The following NELL1 variants were observed in gnomAD, a reference collection of about 807,000 sequenced individuals.
The protein encoded by NELL1 is protein kinase C-binding protein NELL1.
A neutral mutation model predicts 107.4 loss-of-function variants in NELL1; 76 were observed. The observed-to-expected ratio is 0.71, with a 90% confidence interval of 0.59 to 0.86. NELL1 has a LOEUF of 0.86. NELL1 is among the 40% of genes least tolerant of loss of function. NELL1 has a pLI of 0.00. For missense variants in NELL1, 1,024 were observed against 1,005.5 expected, an observed-to-expected ratio of 1.02 and a Z score of -0.25; for synonymous variants, 353 against 341.2, an observed-to-expected ratio of 1.03 and a Z score of -0.38.
chr11:20,816,259 A>G (rs1857621437), intron 3 of NELL1, among the ~76,000 whole-genome samples: 1 of 152,188 alleles, frequency 6.6e-6, no homozygotes, highest in South Asian at 2.1e-4. Context: ...CATTTAAACA[A>G]TGTTGATTCT....
Position 21,320,727 on chromosome 11 carries a change from A to G in NELL1, c.1550-50126A>G, listed in dbSNP as rs142077736. ...CATTTGGTCTCATTGCCAGCTAGAC[A>G]TCAGCTCTAAAAGCTTATTTCCTTT... On this transcript the variant is annotated intron_variant, in intron 14 of 19. Transcript: ENST00000357134. 1.5e-3 allele frequency among the ~76,000 whole-genome samples: 227 copies of G among 152,320 alleles called. 1 individual carries two copies. Among genetic ancestry groups the G allele is most frequent in the African/African-American group, 5.2e-3 (215 of 41,566 alleles).
chr11:20,710,903 G>A (rs1277892267), intron 2 of NELL1, among the ~76,000 whole-genome samples: 1 of 151,458 alleles, frequency 6.6e-6, no homozygotes, highest in Admixed American at 6.6e-5. Flanking sequence ...GAGCTTATTT[G>A]GATCTTCTCT....
At chr11:21,157,582 A>C (rs1468211337) in intron 13 of NELL1, among the ~76,000 whole-genome samples, 1 of 152,114 alleles carries the variant, frequency 6.6e-6, no homozygotes, top group Non-Finnish European at 1.5e-5. Context: ...TCAAATGAAA[A>C]CTGCAGTCTT....
intron 14 of NELL1, among the ~76,000 whole-genome samples, chr11:21,257,454 A>G (rs765484618): frequency 3.3e-5 from 5 of 151,954 alleles, no homozygotes; most frequent in Non-Finnish European, 5.9e-5. Flanking sequence ...CAGGCCTGGG[A>G]GATCTTCAAT....
At chr11:20,965,085 G>A (rs1309805360) in intron 12 of NELL1, among the ~76,000 whole-genome samples, 1 of 152,180 alleles carries the variant, frequency 6.6e-6, no homozygotes, top group East Asian at 1.9e-4. Context: ...AAAATTCAGA[G>A]CTAACAACTG....
At chr11:21,527,127 A>T (rs7950459) in intron 15 of NELL1, among the ~76,000 whole-genome samples, 72,756 of 151,854 alleles carry the variant, frequency 0.48, 17,566 homozygotes, top group Middle Eastern at 0.59. Flanking sequence ...ATCTCTCTCA[A>T]GTTCAAAGTT....
At chr11:20,859,829 C>T (rs1848947373) in intron 4 of NELL1, among the ~76,000 whole-genome samples, 1 of 151,792 alleles carries the variant, frequency 6.6e-6, no homozygotes, top group African/African-American at 2.4e-5. Context: ...ATATTGAATT[C>T]TGAGTAATTT....
chr11:21,548,248 A>T (rs1243212202), intron 16 of NELL1, among the ~76,000 whole-genome samples: 1 of 151,928 alleles, frequency 6.6e-6, no homozygotes, highest in African/African-American at 2.4e-5. Context: ...GGCATGATTT[A>T]ATCATTTTAT....
chr11:21,125,610 C>T (rs1353389966), intron 13 of NELL1, among the ~76,000 whole-genome samples: 2 of 152,126 alleles, frequency 1.3e-5, no homozygotes, highest in African/African-American at 2.4e-5. Flanking sequence ...TTGTGAGTTA[C>T]AGGCATTAAA....
intron 15 of NELL1, among the ~76,000 whole-genome samples, chr11:21,396,618 G>A (rs952379761): frequency 6.6e-6 from 1 of 151,548 alleles, no homozygotes; most frequent in Non-Finnish European, 1.5e-5. Context: ...GATAAGAGAG[G>A]CACATAAATA....
At chr11:21,087,658 A>C (rs138338674) in intron 12 of NELL1, among the ~76,000 whole-genome samples, 13 of 152,276 alleles carry the variant, frequency 8.5e-5, no homozygotes, top group Non-Finnish European at 4.4e-5. Context: ...AGCAGGAAGG[A>C]GGGAGTATGA....
chr11:21,459,113 G>T (rs1245528552), intron 15 of NELL1, among the ~76,000 whole-genome samples: 1 of 151,946 alleles, frequency 6.6e-6, no homozygotes, highest in East Asian at 1.9e-4. Flanking sequence ...AGAGAGGAGT[G>T]GAGCAACATT....
chr11:21,242,635 G>A (rs16907766), intron 14 of NELL1, among the ~76,000 whole-genome samples: 18,622 of 152,092 alleles, frequency 0.12, 1,366 homozygotes, highest in East Asian at 0.22. Flanking sequence ...ACACTGTAAA[G>A]ATCTCTTGTA....
At chr11:20,726,219 G>A (rs1156686176) in intron 2 of NELL1, among the ~76,000 whole-genome samples, 2 of 152,174 alleles carry the variant, frequency 1.3e-5, no homozygotes, top group Non-Finnish European at 2.9e-5. Flanking sequence ...AAGCACATAT[G>A]TCTTTTGGTA....
At chr11:21,022,962 C>T (rs931666650) in intron 12 of NELL1, among the ~76,000 whole-genome samples, 2 of 151,984 alleles carry the variant, frequency 1.3e-5, no homozygotes, top group African/African-American at 4.8e-5. Flanking sequence ...AGAAGGGCCA[C>T]ATGAGGAGTG....
intron 5 of NELL1, among the ~76,000 whole-genome samples, chr11:20,892,629 C>A (rs138169448): frequency 6.6e-6 from 1 of 152,148 alleles, no homozygotes; most frequent in East Asian, 1.9e-4. Flanking sequence ...AAGACACATG[C>A]GGCCGGGCGC....
intron 13 of NELL1, among the ~76,000 whole-genome samples, chr11:21,225,215 T>C (rs1259934322): frequency 1.3e-5 from 2 of 152,160 alleles, no homozygotes; most frequent in East Asian, 1.9e-4. Context: ...GCAGCTCTGC[T>C]CTTAAAATGG....
At chr11:20,812,148 G>A (rs575158128) in intron 3 of NELL1, among the ~76,000 whole-genome samples, 2 of 152,194 alleles carry the variant, frequency 1.3e-5, no homozygotes, top group African/African-American at 2.4e-5. Context: ...CAACATAAAG[G>A]AGTGTTAAAT....
rs11601551 is a variant in NELL1, at chr11:20,955,561, T to C, written c.1172-4871T>C. On this transcript the variant is annotated intron_variant, in intron 11 of 19. Coordinates refer to ENST00000357134, the MANE Select transcript of NELL1 (RefSeq NM_006157.5). ...ATTAAGTTATTTTGAACTTTAGTCA[T>C]GATTGTTGAAAATATCATCATCATT... 8.8e-3 allele frequency among the ~76,000 whole-genome samples: 1,337 copies of C among 152,338 alleles called. 13 individuals are homozygous for C. The highest frequency in any genetic ancestry group is 0.041 in the Middle Eastern group (12 of 294).
Sources: gnomAD v4.1 joint callset for allele counts (sites outside exome capture counted in the v4.1 genomes callset) on GRCh38, gnomAD v4.1.1 for gene constraint, MANE v1.5 for transcripts, NCBI Gene and HGNC (gene_info 2026-07-23, HGNC 2026-07-21) for gene names.